TTC34: variants seen among roughly 807,000 people sequenced by gnomAD.
TTC34 encodes the protein tetratricopeptide repeat domain 34.
Under a neutral mutation model 40.7 loss-of-function variants are expected in TTC34, and 44 were observed. The observed-to-expected ratio is 1.08, with a 90% CI of 0.85 to 1.39. The LOEUF is 1.39. Ranked by LOEUF, TTC34 falls within the 40% of genes most tolerant of loss-of-function variation. TTC34 has a pLI of 0.00. For synonymous variants in TTC34, 422 were observed against 398.6 expected (o/e 1.06, Z -0.70); for missense variants, 884 against 838.0 (o/e 1.05, Z -0.68).
intron 5 of TTC34, 86 bp downstream of exon 5, chr1:2,785,733 C>T: frequency 1.4e-6 from 2 of 1,422,474 alleles, no homozygotes; most frequent in Non-Finnish European, 1.9e-6. Flanking sequence ...GCATGCGTGT[C>T]CCCACCAACC....
intron 6 of TTC34, among the ~76,000 whole-genome samples, chr1:2,677,657 GC>G (rs1225228954): frequency 1.6e-4 from 2 of 12,900 alleles, no homozygotes; most frequent in Admixed American, 1.4e-3. Flanking sequence ...ACACCCCCAG[GC>G]GAGCATCTGA....
At chr1:2,798,095 TCCAAGCCTCTGAGCCC>T (rs1643728433) in intron 2 of TTC34, among the ~76,000 whole-genome samples, 2 of 88,942 alleles carry the variant, frequency 2.2e-5, no homozygotes, top group Middle Eastern at 7.0e-3. Flanking sequence ...CTCCCCAGCC[TCCAAGCCTCTGAGCCC>T]CTCAGCTCCC....
intron 6 of TTC34, among the ~76,000 whole-genome samples, chr1:2,674,811 G>A (rs1378923753): frequency 1.1e-5 from 1 of 92,136 alleles, no homozygotes; most frequent in African/African-American, 3.5e-5. Context: ...CCCCAAGTGA[G>A]CATCTGATTG....
rs1330725386 is a variant in TTC34, at chr1:2,694,778, A to C, written c.2227-49215T>G. On this transcript the variant is annotated intron_variant, in intron 6 of 8. Transcript: ENST00000401095. ...CACAGGTGAGCATCCGACAGCCTGG[A>C]GCAGCACCCACACACCCAGGCGAGC... is the stretch of plus-strand genomic sequence containing the variant. Among the ~76,000 whole-genome samples the C allele has an allele frequency of 2.3e-5, 2 of 87,476 alleles. 1 individual carries two copies. Among genetic ancestry groups the C allele is most frequent in the Non-Finnish European group, 5.6e-5 (2 of 35,820 alleles). 57.4% of individuals were successfully genotyped at this position (87,476 alleles called of 152,430 possible).
chr1:2,686,952 C>A (rs1444096224), intron 6 of TTC34, among the ~76,000 whole-genome samples: 1 of 149,126 alleles, frequency 6.7e-6, no homozygotes, highest in South Asian at 2.1e-4. Flanking sequence ...CAGCCTGGAG[C>A]AGCACCCACA....
At chr1:2,777,708 C>T (rs1194085588) in intron 6 of TTC34, among the ~76,000 whole-genome samples, 1 of 149,730 alleles carries the variant, frequency 6.7e-6, no homozygotes, top group Non-Finnish European at 1.5e-5. Flanking sequence ...GGCGCAGCAT[C>T]AGCCCATATC....
rs1451147945 is a variant in TTC34, at chr1:2,760,512, G to A, written c.2226+23097C>T. Among the ~76,000 whole-genome samples the A allele has an allele frequency of 1.0e-3, 48 of 47,152 alleles. 3 individuals are homozygous for A. Among genetic ancestry groups the A allele is most frequent in the East Asian group, 9.8e-3 (16 of 1,636 alleles). 30.9% of individuals were successfully genotyped at this position (47,152 alleles called of 152,430 possible). On this transcript the variant is annotated intron_variant, in intron 6 of 8. Coordinates refer to ENST00000401095, the Ensembl canonical transcript of TTC34. ...GCAGGTGAGCATCTGACAGCCTGGA[G>A]CAGCACCCACACCCCCAGGTGAGCA...
At chr1:2,637,816 G>GCTA (rs1195091309) in exon 9 of TTC34, 3 of 152,284 alleles carry the variant, frequency 2.0e-5, no homozygotes, top group Admixed American at 6.5e-5. Context: ...GGCTGCTGCT[G>GCTA]CTACAACTCG....
chr1:2,646,112 G>A (rs1372539352), intron 6 of TTC34, among the ~76,000 whole-genome samples: 1 of 152,138 alleles, frequency 6.6e-6, no homozygotes, highest in African/African-American at 2.4e-5. Flanking sequence ...CCCATCTGGT[G>A]CACAATACCG....
chr1:2,754,748 C>T (rs1427422510), intron 6 of TTC34, among the ~76,000 whole-genome samples: 7 of 106,346 alleles, frequency 6.6e-5, no homozygotes, highest in African/African-American at 2.3e-4. Context: ...CCCCCAGGTG[C>T]GCATGTGATG....
At chr1:2,791,578 C>G (rs1204445476) in intron 2 of TTC34, among the ~76,000 whole-genome samples, 1 of 152,190 alleles carries the variant, frequency 6.6e-6, no homozygotes, top group Non-Finnish European at 1.5e-5. Context: ...GAAGGTGTCT[C>G]GTGCCCTGAG....
At chr1:2,760,016 C>CGGAGACAGGTGAGCATA (rs1641643839) in intron 6 of TTC34, among the ~76,000 whole-genome samples, 1 of 48,154 alleles carries the variant, frequency 2.1e-5, no homozygotes, top group Non-Finnish European at 3.8e-5. Flanking sequence ...AGGTGAGCAT[C>CGGAGACAGGTGAGCATA]GGAGAGTCCG....
intron 6 of TTC34, among the ~76,000 whole-genome samples, chr1:2,655,084 G>T (rs879095101): frequency 1.7e-4 from 26 of 149,118 alleles, no homozygotes; most frequent in Admixed American, 2.7e-4. Context: ...GCCTGGAGCA[G>T]CAACCACACC....
At chr1:2,694,951 C>G (rs897564559) in intron 6 of TTC34, among the ~76,000 whole-genome samples, 1 of 70,124 alleles carries the variant, frequency 1.4e-5, no homozygotes, top group Admixed American at 1.5e-4. Context: ...AGCACCCACA[C>G]CCCCAGGTGA....
intron 6 of TTC34, among the ~76,000 whole-genome samples, chr1:2,753,071 G>A (rs1641378252): frequency 6.4e-4 from 96 of 150,816 alleles, no homozygotes; most frequent in African/African-American, 2.2e-3. Flanking sequence ...GTGAGCATCT[G>A]ACAGCCTGGA....
chr1:2,681,665 C>T (rs564184457), intron 6 of TTC34, among the ~76,000 whole-genome samples: 1 of 88,554 alleles, frequency 1.1e-5, no homozygotes, highest in East Asian at 2.7e-4. Context: ...GCATCCACAC[C>T]CCCAGGTGAG....
intron 6 of TTC34, among the ~76,000 whole-genome samples, chr1:2,657,395 C>G (rs1639385915): frequency 2.1e-5 from 2 of 93,788 alleles, no homozygotes; most frequent in South Asian, 6.0e-4. Context: ...AGGTGAGCAT[C>G]TGACCTCCCG....
chr1:2,796,140 T>C lies in TTC34; in HGVS notation c.784+3904A>G, dbSNP rs202075327. 2.6e-5 allele frequency among the ~76,000 whole-genome samples: 4 copies of C among 152,230 alleles called. No individual in the cohort carries two copies. The East Asian group carries it at 5.8e-4, about 22-fold the overall frequency. On this transcript the variant is annotated intron_variant, in intron 2 of 8. Transcript: ENST00000401095. The surrounding 1 kb of genome is among the most constrained non-coding windows in gnomAD (Gnocchi z 4.5). ...CTTGGAATCCGAATCCCCAAGCCTG[T>C]TGGGGCCTTGGTTTTGGGCTTCCAG... is the stretch of plus-strand genomic sequence containing the variant.
At chr1:2,752,330 C>G (rs1641348127) in intron 6 of TTC34, among the ~76,000 whole-genome samples, 1 of 123,426 alleles carries the variant, frequency 8.1e-6, no homozygotes. Flanking sequence ...AGCACGCACA[C>G]CCCCAGGTGA....
Sources: gnomAD v4.1 joint callset for allele counts (sites outside exome capture counted in the v4.1 genomes callset) on GRCh38, gnomAD v4.1.1 for gene constraint, Gnocchi (gnomAD v3.1) non-coding constraint, MANE v1.5 for transcripts, NCBI Gene and HGNC (gene_info 2026-07-23, HGNC 2026-07-21) for gene names.